The following OPCML variants were observed in gnomAD, a reference collection of about 807,000 sequenced individuals.
The protein encoded by OPCML is opioid-binding protein/cell adhesion molecule.
A neutral mutation model predicts 37.8 loss-of-function variants in OPCML; 13 were observed. That is an observed-to-expected ratio of 0.34 (90% CI 0.22 to 0.55). OPCML has a LOEUF of 0.55. Among genes scored for constraint, OPCML ranks in the 20% least tolerant of loss-of-function variants. The probability of loss-of-function intolerance (pLI) is 0.91; values close to 1 mark genes in which losing one functional copy is unlikely to be tolerated. For missense variants in OPCML, 341 were observed against 435.6 expected, an observed-to-expected ratio of 0.78 and a Z score of 1.93; for synonymous variants, 176 against 168.8, an observed-to-expected ratio of 1.04 and a Z score of -0.33.
At chr11:133,037,586 C>T (rs1053651060) in intron 1 of OPCML, among the ~76,000 whole-genome samples, 7 of 152,096 alleles carry the variant, frequency 4.6e-5, no homozygotes, top group South Asian at 2.1e-4. Flanking sequence ...TTTTAGAGAG[C>T]GAGTGAAATT....
chr11:133,079,514 G>A (rs370454283), intron 1 of OPCML, among the ~76,000 whole-genome samples: 8 of 152,150 alleles, frequency 5.3e-5, no homozygotes, highest in Admixed American at 4.6e-4. Flanking sequence ...ATGAAAAGAG[G>A]CTAAAAAATG....
intron 1 of OPCML, among the ~76,000 whole-genome samples, chr11:133,256,072 T>C (rs1024730713): frequency 6.6e-6 from 1 of 152,224 alleles, no homozygotes; most frequent in Admixed American, 6.5e-5. Flanking sequence ...CACAAATTTG[T>C]ACTCTTATTT....
chr11:132,969,642 C>T (rs1014190503), intron 1 of OPCML, among the ~76,000 whole-genome samples: 17 of 152,070 alleles, frequency 1.1e-4, no homozygotes, highest in Non-Finnish European at 1.8e-4. Flanking sequence ...GCGTACTTTC[C>T]ATCAATACAT....
chr11:132,880,519 G>T (rs534140671), intron 2 of OPCML, among the ~76,000 whole-genome samples: 1 of 152,364 alleles, frequency 6.6e-6, no homozygotes, highest in East Asian at 1.9e-4. Context: ...CTATCCAGAT[G>T]CTGAAAACAA....
At chr11:133,096,197 T>C (rs1292823887) in intron 1 of OPCML, among the ~76,000 whole-genome samples, 1 of 151,588 alleles carries the variant, frequency 6.6e-6, no homozygotes, top group African/African-American at 2.4e-5. Flanking sequence ...ATACAATGGA[T>C]GGGGAATAAA....
chr11:133,316,619 T>A (rs2136609584), intron 1 of OPCML, among the ~76,000 whole-genome samples: 1 of 152,230 alleles, frequency 6.6e-6, no homozygotes, highest in Middle Eastern at 3.4e-3. Flanking sequence ...ATTCCAGAAC[T>A]TAAAGTAAAA....
intron 4 of OPCML, among the ~76,000 whole-genome samples, chr11:132,488,344 G>C (rs1277058001): frequency 6.6e-6 from 1 of 152,310 alleles, no homozygotes; most frequent in African/African-American, 2.4e-5. Context: ...GAACACCCTA[G>C]AGTGCACTTA....
At chr11:132,467,300 C>T (rs1415805364) in intron 4 of OPCML, among the ~76,000 whole-genome samples, 1 of 152,222 alleles carries the variant, frequency 6.6e-6, no homozygotes, top group African/African-American at 2.4e-5. Context: ...CAAGAGTTCC[C>T]GTCACCTGAG....
intron 1 of OPCML, among the ~76,000 whole-genome samples, chr11:133,056,219 C>A (rs927172715): frequency 6.6e-6 from 1 of 152,148 alleles, no homozygotes. Context: ...AAAAGTCATC[C>A]GTGGTCATTC....
At chr11:132,557,667 A>C (rs1220279100) in intron 3 of OPCML, among the ~76,000 whole-genome samples, 1 of 152,198 alleles carries the variant, frequency 6.6e-6, no homozygotes, top group Non-Finnish European at 1.5e-5. Context: ...TTATTCAAAA[A>C]ACAGTACCTG....
At chr11:133,483,572 G>A (rs1947432191) in intron 1 of OPCML, among the ~76,000 whole-genome samples, 1 of 151,542 alleles carries the variant, frequency 6.6e-6, no homozygotes, top group Non-Finnish European at 1.5e-5. Flanking sequence ...ACAAAGGAAT[G>A]GATGATAGAT....
At chr11:132,664,341 T>A (rs180679095) in intron 2 of OPCML, among the ~76,000 whole-genome samples, 1 of 152,298 alleles carries the variant, frequency 6.6e-6, no homozygotes. Context: ...TTTAAAGTGG[T>A]CTTCTATAGA....
At chr11:133,443,767 T>TAA (rs748912564) in intron 1 of OPCML, among the ~76,000 whole-genome samples, 1 of 152,096 alleles carries the variant, frequency 6.6e-6, no homozygotes, top group Non-Finnish European at 1.5e-5. Context: ...GAGCTACCTG[T>TAA]AAAAAAGTCA....
intron 3 of OPCML, among the ~76,000 whole-genome samples, chr11:132,539,757 G>A (rs535845537): frequency 2.0e-5 from 3 of 152,090 alleles, no homozygotes; most frequent in South Asian, 4.1e-4. Context: ...GATGATAATG[G>A]TGATGATGAT....
Position 133,322,307 on chromosome 11 carries a change from TA to T in OPCML, c.61+209956del, listed in dbSNP as rs377223174. On this transcript the variant is annotated intron_variant, in intron 1 of 7. Coordinates refer to ENST00000524381, the MANE Select transcript of OPCML (RefSeq NM_001012393.5). ...GTGTCTGGAGACCTCAGTGTGAGAT[TA>T]AAAACATATCATGGTTGGATTATAC... 2.6e-5 allele frequency among the ~76,000 whole-genome samples: 4 copies of T among 152,352 alleles called. 1 individual carries two copies. Among genetic ancestry groups the T allele is most frequent in the African/African-American group, 9.6e-5 (4 of 41,594 alleles).
chr11:132,928,310 CAA>C (rs1945069806), intron 2 of OPCML, among the ~76,000 whole-genome samples: 1 of 151,764 alleles, frequency 6.6e-6, no homozygotes, highest in South Asian at 2.1e-4. Flanking sequence ...AAATAGTAAA[CAA>C]AAGAGACCAG....
intron 1 of OPCML, among the ~76,000 whole-genome samples, chr11:133,345,057 T>C (rs1273929750): frequency 6.6e-6 from 1 of 152,076 alleles, no homozygotes; most frequent in Non-Finnish European, 1.5e-5. Context: ...ATCCCGACCA[T>C]CACATTGATC....
chr11:132,502,035 A>G, intron 4 of OPCML, among the ~76,000 whole-genome samples: 1 of 152,234 alleles, frequency 6.6e-6, no homozygotes, highest in Non-Finnish European at 1.5e-5. Flanking sequence ...AGGAAAGTGG[A>G]TAGATACTCA....
chr11:132,520,820 T>C (rs956357522), intron 4 of OPCML, among the ~76,000 whole-genome samples: 1 of 152,106 alleles, frequency 6.6e-6, no homozygotes, highest in Admixed American at 6.6e-5. Flanking sequence ...CTATTGTAAA[T>C]AGTGCTGCAA....
Sources: allele counts gnomAD v4.1 joint callset (sites outside exome capture counted in the v4.1 genomes callset), GRCh38; gene constraint gnomAD v4.1.1; transcripts MANE v1.5; gene names NCBI Gene and HGNC (gene_info 2026-07-23, HGNC 2026-07-21).